The following ADAMTS2 variants were observed in gnomAD, a reference collection of about 807,000 sequenced individuals.
ADAMTS2 encodes the protein A disintegrin and metalloproteinase with thrombospondin motifs 2.
ADAMTS2 carries 50 observed loss-of-function variants against 123.0 expected under a neutral mutation model. That is an observed-to-expected ratio of 0.41 (90% CI 0.32 to 0.51). The LOEUF (loss-of-function observed/expected upper bound fraction) is 0.51, where lower values mean the gene tolerates loss of function less well. Ranked by LOEUF, ADAMTS2 falls within the 20% of genes least tolerant of loss-of-function variation. The pLI is 0.35. For missense variants in ADAMTS2, 1,494 were observed against 1,705.2 expected (o/e 0.88, Z 2.18); for synonymous variants, 678 against 695.4 (o/e 0.98, Z 0.39).
intron 4 of ADAMTS2, among the ~76,000 whole-genome samples, chr5:179,190,294 A>G (rs1468681562): frequency 1.3e-5 from 2 of 152,170 alleles, no homozygotes; most frequent in African/African-American, 4.8e-5. Context: ...CAGCATGGAA[A>G]CCTAGAGTGG....
intron 21 of ADAMTS2, 137 bp from the exon 22 acceptor site, chr5:179,114,461 G>T: frequency 1.2e-6 from 1 of 851,504 alleles, no homozygotes; most frequent in Non-Finnish European, 1.9e-6. Context: ...CAGGCAGAAA[G>T]TCTGTGTGGG....
At chr5:179,191,532 T>C (rs1764306966) in intron 4 of ADAMTS2, among the ~76,000 whole-genome samples, 1 of 151,148 alleles carries the variant, frequency 6.6e-6, no homozygotes, top group South Asian at 2.1e-4. Context: ...CTGTCACCAG[T>C]GTGACCTAAG....
rs908813249 is a variant in ADAMTS2 at position 179,225,565 on chromosome 5, C to T, written c.689-17850G>A. ...ACAGGCGGCTGGACGTCGAGAGGAG[C>T]GCATGAGGGGAGGAACACACAGGCG... On this transcript the variant is annotated intron_variant, in intron 3 of 21. Transcript: ENST00000251582. The surrounding 1 kb of genome is among the most constrained non-coding windows in gnomAD (Gnocchi z 4.5). Among the ~76,000 whole-genome samples the T allele has an allele frequency of 9.2e-5, 14 of 152,178 alleles. No individual in the cohort carries two copies. Among genetic ancestry groups the T allele is most frequent in the Non-Finnish European group, 7.4e-5 (5 of 67,998 alleles).
intron 2 of ADAMTS2, among the ~76,000 whole-genome samples, chr5:179,339,306 T>C (rs1264678792): frequency 2.0e-5 from 3 of 152,166 alleles, no homozygotes; most frequent in Non-Finnish European, 4.4e-5. Context: ...GTTGCCTCCT[T>C]GGAAAACGAG....
chr5:179,252,147 A>G (rs568387741), intron 3 of ADAMTS2, among the ~76,000 whole-genome samples: 1 of 151,598 alleles, frequency 6.6e-6, no homozygotes, highest in East Asian at 1.9e-4. Flanking sequence ...AGCTGGTTCC[A>G]CAGGTGCATG....
rs886060481 is a variant in ADAMTS2 at position 179,111,143 on chromosome 5, T to C, written c.*2724A>G. ...GCCTTATACATGAAATTCCATGGGT[T>C]TTCCAAAAGGAGTAAATCAGAGAGC... On this transcript the variant is annotated 3_prime_UTR_variant, in exon 22 of 22. Coordinates refer to ENST00000251582, the MANE Select transcript of ADAMTS2 (RefSeq NM_014244.5). 5 of 152,194 alleles carry C rather than the reference T, an allele frequency of 3.3e-5. No individual in the cohort carries two copies. In the East Asian group the frequency reaches 9.6e-4, roughly 29 times the overall value. The allele number at this position is 152,194 out of a possible 1,614,324, so 9.4% of individuals were successfully genotyped here.
Position 179,154,161 on chromosome 5 carries a change from G to T in ADAMTS2, c.1270C>A (p.Arg424Ser). Residue 424 changes from arginine to serine, a missense_variant, in exon 8 of 22, where the codon CGC becomes AGC. This residue lies in a region of ADAMTS2 where 953 missense variants were observed against 1,124.7 expected (regional missense o/e 0.85). Coordinates refer to ENST00000251582, the MANE Select transcript of ADAMTS2 (RefSeq NM_014244.5). ...CCCAGCCGCACCTCGTCGCCACAGC[G>T]GTTGCCCTGCCCGTCGTGCTCCATG... Reference protein sequence around the residue: ...LGMEHDGQGNRCGDEVRLGSI... With the variant: ...LGMEHDGQGNSCGDEVRLGSI... 2 of 1,571,082 alleles carry T rather than the reference G, an allele frequency of 1.3e-6. No homozygotes were observed. Among genetic ancestry groups the T allele is most frequent in the African/African-American group, 1.3e-5 (1 of 74,516 alleles).
chr5:179,156,480 C>T (rs902948144), intron 6 of ADAMTS2, among the ~76,000 whole-genome samples: 1 of 151,854 alleles, frequency 6.6e-6, no homozygotes, highest in African/African-American at 2.4e-5. Flanking sequence ...CTGCCTCAGC[C>T]TCCTGAGTAG....
chr5:179,258,607 C>T (rs1766130876), intron 3 of ADAMTS2, among the ~76,000 whole-genome samples: 1 of 152,218 alleles, frequency 6.6e-6, no homozygotes. Context: ...GCATTGCTCG[C>T]AGCTAGGAAT....
At position 179,207,558 on chromosome 5, in the gene ADAMTS2, G is replaced by A. The variant is rs150860515; in HGVS notation, c.846C>T (p.His282=). 3.4e-5 allele frequency: 49 copies of A among 1,444,520 alleles called. No homozygotes were observed. The highest frequency in any genetic ancestry group is 4.6e-5 in the African/African-American group (3 of 65,540). 89.5% of individuals were successfully genotyped at this position (1,444,520 alleles called of 1,614,324 possible). The change falls in exon 4 of 22, where the codon CAC becomes CAT. Residue 282 remains histidine (H), a synonymous_variant. Coordinates refer to ENST00000251582, the MANE Select transcript of ADAMTS2 (RefSeq NM_014244.5). The stretch of plus-strand genomic sequence containing the variant: ...GGTACTTCTGTACGTGCTCCTTCCC[G>A]TGGAACTGCACCACAGAGTCATCCA... ...LGVDDSVVQF[H]GKEHVQKYLL...
Position 179,272,767 on chromosome 5 carries a change from C to T in ADAMTS2, c.688+144G>A. The T allele has an allele frequency of 9.2e-7, 1 of 1,088,024 alleles. No individual in the cohort carries two copies. The highest frequency in any genetic ancestry group is 1.6e-5 in the South Asian group (1 of 62,702). 67.4% of individuals were successfully genotyped at this position (1,088,024 alleles called of 1,614,324 possible). On this transcript the variant is annotated intron_variant, in intron 3 of 21. Coordinates refer to ENST00000251582, the MANE Select transcript of ADAMTS2 (RefSeq NM_014244.5). This position sits in a 1 kb window ranked among gnomAD's most constrained non-coding sequence, Gnocchi z 5.8. ...CCCTGCCGTCAGCCAGGCAGCTGGC[C>T]CATTTCTGAGCCACTGAGACCGGGG...
intron 2 of ADAMTS2, among the ~76,000 whole-genome samples, chr5:179,316,522 G>A (rs1757002431): frequency 6.6e-6 from 1 of 152,212 alleles, no homozygotes; most frequent in Non-Finnish European, 1.5e-5. Context: ...CACTCCCAGG[G>A]ATGGCATTTG....
chr5:179,333,596 GTTTTTTT>G (rs1219136980), intron 2 of ADAMTS2, among the ~76,000 whole-genome samples: 1 of 105,996 alleles, frequency 9.4e-6, no homozygotes, highest in Non-Finnish European at 1.8e-5. Flanking sequence ...GTTTTTTTCT[GTTTTTTT>G]TTTTTTTTTT....
At chr5:179,196,630 C>T (rs1764439184) in intron 4 of ADAMTS2, among the ~76,000 whole-genome samples, 1 of 152,238 alleles carries the variant, frequency 6.6e-6, no homozygotes, top group Non-Finnish European at 1.5e-5. Flanking sequence ...GTGCTCAGTA[C>T]TTCCCTAATA....
intron 2 of ADAMTS2, among the ~76,000 whole-genome samples, chr5:179,323,664 C>T (rs1359749201): frequency 1.3e-5 from 2 of 152,244 alleles, no homozygotes; most frequent in African/African-American, 2.4e-5. Flanking sequence ...CCAGACTTAA[C>T]AGCACCTGCG....
intron 3 of ADAMTS2, among the ~76,000 whole-genome samples, chr5:179,245,765 C>CAAAA (rs1171837041): frequency 0.013 from 214 of 17,120 alleles, 6 homozygotes; most frequent in Non-Finnish European, 0.015. Flanking sequence ...GACTCCGTCT[C>CAAAA]AAAAAAAAAA....
At chr5:179,341,775 A>G (rs1056621049) in intron 2 of ADAMTS2, among the ~76,000 whole-genome samples, 3 of 151,710 alleles carry the variant, frequency 2.0e-5, no homozygotes, top group Non-Finnish European at 4.4e-5. Context: ...CAAGGCCATT[A>G]TTCAGTGACA....
In ADAMTS2 at chr5:179,128,068, G is replaced by A. The variant is rs1275040573; in HGVS notation, c.2508C>T (p.Ile836=). Residue 836 remains isoleucine, a synonymous_variant, in exon 17 of 22, where the codon ATC becomes ATT. Transcript: ENST00000251582. This position sits in a 1 kb window ranked among gnomAD's most constrained non-coding sequence, Gnocchi z 4.9. ...TRVSLTYKYM[I]HEDSLNVDDN... ...CGTCGACATTCAGTGAGTCCTCATGGATCATGTATTTGTACGTCAGTGAGA... is the reference window on the plus strand; with the variant it reads ...CGTCGACATTCAGTGAGTCCTCATGAATCATGTATTTGTACGTCAGTGAGA... 1.9e-6 allele frequency: 3 copies of A among 1,614,024 alleles called. No homozygotes were observed. Among genetic ancestry groups the A allele is most frequent in the Non-Finnish European group, 2.5e-6 (3 of 1,180,024 alleles).
At chr5:179,135,640 G>A (rs1763053290) in intron 13 of ADAMTS2, among the ~76,000 whole-genome samples, 1 of 152,084 alleles carries the variant, frequency 6.6e-6, no homozygotes, top group Non-Finnish European at 1.5e-5. Context: ...CTCCCAGGCC[G>A]CCACCACCGT....
Sources: gnomAD v4.1 joint callset for allele counts (sites outside exome capture counted in the v4.1 genomes callset) on GRCh38, gnomAD v4.1.1 for gene constraint, gnomAD v4.1.1 regional missense constraint, Gnocchi (gnomAD v3.1) non-coding constraint, MANE v1.5 for transcripts, NCBI Gene and HGNC (gene_info 2026-07-23, HGNC 2026-07-21) for gene names.